Variants in SLC6A20 observed in about 807,000 individuals in gnomAD.
SLC6A20 encodes the protein solute carrier family 6 member 20, also known as sodium- and chloride-dependent transporter XTRP3.
SLC6A20 carries 73 observed loss-of-function variants against 64.3 expected under a neutral mutation model. The observed-to-expected ratio is 1.14, with a 90% CI of 0.94 to 1.38. The LOEUF is 1.38. Among genes scored for constraint, SLC6A20 ranks in the 40% most tolerant of loss-of-function variants. The probability of loss-of-function intolerance (pLI) is 0.00; values close to 1 mark genes in which losing one functional copy is unlikely to be tolerated. For missense variants in SLC6A20, 725 were observed against 772.8 expected (o/e 0.94, Z 0.73); for synonymous variants, 347 against 329.6 (o/e 1.05, Z -0.57).
In SLC6A20 at chr3:45,796,384, T is replaced by C. The variant is rs1175149099; in HGVS notation, c.36A>G (p.Leu12=). 5.0e-6 allele frequency: 8 copies of C among 1,612,180 alleles called. No individual in the cohort carries two copies. The African/African-American group carries it at 9.4e-5, about 19-fold the overall frequency. The part of the protein sequence containing the change: ...EKARPLWANS[L]QFVFACISYA... Reference sequence around the variant, plus strand: ...ACGAGATGCAGGCGAACACGAACTGTAGCGAGTTGGCCCACAGCGGCCGCG... The same window carrying C: ...ACGAGATGCAGGCGAACACGAACTGCAGCGAGTTGGCCCACAGCGGCCGCG... Residue 12 remains leucine (L), a synonymous_variant, in exon 1 of 11, where the codon CTA becomes CTG. Transcript: ENST00000358525.
intron 1 of SLC6A20, among the ~76,000 whole-genome samples, chr3:45,785,286 A>G (rs1410556902): frequency 6.6e-6 from 1 of 152,218 alleles, no homozygotes; most frequent in African/African-American, 2.4e-5. Flanking sequence ...CAAAGTATTG[A>G]TCCTGGGTGT....
intron 8 of SLC6A20, among the ~76,000 whole-genome samples, chr3:45,764,521 G>A (rs1272138748): frequency 2.6e-5 from 4 of 152,024 alleles, no homozygotes; most frequent in East Asian, 1.9e-4. Flanking sequence ...TGGCCAACAC[G>A]GGGAAACCCC....
At chr3:45,772,731 C>G (rs1176314859) in intron 4 of SLC6A20, 116 bp from the exon 5 acceptor site, 5 of 811,214 alleles carry the variant, frequency 6.2e-6, no homozygotes, top group African/African-American at 3.5e-5. Flanking sequence ...CAGCTGCTGA[C>G]AGCTGGAAAA....
chr3:45,785,974 C>T (rs547753753), intron 1 of SLC6A20, among the ~76,000 whole-genome samples: 22 of 152,192 alleles, frequency 1.4e-4, no homozygotes, highest in African/African-American at 5.1e-4. Context: ...GGAGGAGAAC[C>T]GAGGGAGACC....
chr3:45,760,121 T>C (rs1699643934), intron 9 of SLC6A20, 99 bp from the exon 10 acceptor site: 1 of 1,366,648 alleles, frequency 7.3e-7, no homozygotes, highest in Non-Finnish European at 1.0e-6. Context: ...CATTCTGTTC[T>C]AGGTGGTAAA....
At chr3:45,780,123 G>C in intron 2 of SLC6A20, 23 bp from the exon 3 acceptor site, 1 of 1,563,632 alleles carries the variant, frequency 6.4e-7, no homozygotes, top group Non-Finnish European at 8.7e-7. Flanking sequence ...AGAGGGCCGC[G>C]CTGAGGACTG....
chr3:45,763,056 G>A lies in SLC6A20; in HGVS notation c.1320C>T (p.Val440=). The change falls in exon 9 of 11, where the codon GTC becomes GTT. Residue 440 remains valine, a synonymous_variant. Transcript: ENST00000358525. ...TGAACACCATGCCAATGGCACAGTTGACAAGGCACACCAGACCTGGGGGCC... is the reference window on the plus strand; with the variant it reads ...TGAACACCATGCCAATGGCACAGTTAACAAGGCACACCAGACCTGGGGGCC... ...KEAISGLVCL[V]NCAIGMVFTM... 1 of 1,614,104 alleles carries A rather than the reference G, an allele frequency of 6.2e-7. No homozygotes were observed. The highest frequency in any genetic ancestry group is 1.3e-5 in the African/African-American group (1 of 75,044).
At chr3:45,778,190 T>G (rs543976166) in intron 3 of SLC6A20, among the ~76,000 whole-genome samples, 78 of 152,056 alleles carry the variant, frequency 5.1e-4, no homozygotes, top group African/African-American at 1.8e-3. Context: ...AGGGAGTGAG[T>G]AGACAGGAGC....
At position 45,758,457 on chromosome 3, in the gene SLC6A20, A is replaced by G. The variant is rs1304287826; in HGVS notation, c.*521T>C. 1.6e-5 allele frequency: 20 copies of G among 1,261,078 alleles called. No homozygotes were observed. Among genetic ancestry groups the G allele is most frequent in the Non-Finnish European group, 2.0e-5 (20 of 977,728 alleles). The allele number at this position is 1,261,078 out of a possible 1,614,324, so 78.1% of individuals were successfully genotyped here. ...TTTCTTTATAACTTGTCATCCTAAGATTTAAAGGGTGGAAGGGGAACACAG... is the reference window on the plus strand; with the variant it reads ...TTTCTTTATAACTTGTCATCCTAAGGTTTAAAGGGTGGAAGGGGAACACAG... On this transcript the variant is annotated 3_prime_UTR_variant, in exon 11 of 11. Coordinates refer to ENST00000358525, the MANE Select transcript of SLC6A20 (RefSeq NM_020208.4).
intron 4 of SLC6A20, among the ~76,000 whole-genome samples, chr3:45,774,817 C>T (rs1330830387): frequency 6.6e-6 from 1 of 152,182 alleles, no homozygotes; most frequent in Non-Finnish European, 1.5e-5. Context: ...CAAACCAAGA[C>T]AATGGGAAGT....
At chr3:45,791,940 C>T (rs1351713221) in intron 1 of SLC6A20, among the ~76,000 whole-genome samples, 4 of 152,072 alleles carry the variant, frequency 2.6e-5, no homozygotes, top group East Asian at 1.9e-4. Context: ...GGATTTAGCC[C>T]GGGGATCAAA....
chr3:45,774,327 A>C (rs1011426030), intron 4 of SLC6A20, among the ~76,000 whole-genome samples: 2 of 152,268 alleles, frequency 1.3e-5, no homozygotes, highest in Non-Finnish European at 2.9e-5. Context: ...AATGGTCTCT[A>C]ATCTCTACCT....
At chr3:45,760,111 C>G in intron 9 of SLC6A20, 89 bp from the exon 10 acceptor site, 2 of 1,426,288 alleles carry the variant, frequency 1.4e-6, no homozygotes, top group Non-Finnish European at 1.9e-6. Flanking sequence ...CACAAAGGAA[C>G]ATTCTGTTCT....
chr3:45,782,242 G>A lies in SLC6A20; in HGVS notation c.122-19C>T. On this transcript the variant is annotated intron_variant, in intron 1 of 10. Coordinates refer to ENST00000358525, the MANE Select transcript of SLC6A20 (RefSeq NM_020208.4). ...AAACTACCTGTGGATGTCCAGAGCT[G>A]AGAGCCAGGCCACCACCAAAAGGCT... 6.2e-7 allele frequency: 1 copy of A among 1,602,864 alleles called. No homozygotes were observed. Among genetic ancestry groups the A allele is most frequent in the South Asian group, 1.1e-5 (1 of 89,796 alleles).
At chr3:45,788,540 A>C (rs547494007) in intron 1 of SLC6A20, among the ~76,000 whole-genome samples, 2 of 152,334 alleles carry the variant, frequency 1.3e-5, no homozygotes, top group Admixed American at 6.5e-5. Context: ...AAAACATTTA[A>C]TACTTAGACA....
intron 3 of SLC6A20, 66 bp downstream of exon 3, chr3:45,779,943 G>T: frequency 6.6e-7 from 1 of 1,510,920 alleles, no homozygotes; most frequent in Non-Finnish European, 9.0e-7. Context: ...TCCCCGAGCG[G>T]GTGGCCCTGT....
At chr3:45,772,655 T>G in intron 4 of SLC6A20, 40 bp from the exon 5 acceptor site, 2 of 1,543,550 alleles carry the variant, frequency 1.3e-6, no homozygotes, top group Non-Finnish European at 1.8e-6. Context: ...CCCGGAGCAG[T>G]GGGGTCCACA....
intron 1 of SLC6A20, among the ~76,000 whole-genome samples, chr3:45,795,402 A>G (rs1377491456): frequency 6.6e-6 from 1 of 152,198 alleles, no homozygotes; most frequent in Non-Finnish European, 1.5e-5. Context: ...TAATTTACTG[A>G]ACCAATCCCC....
chr3:45,787,294 A>T (rs1364309022), intron 1 of SLC6A20, among the ~76,000 whole-genome samples: 1 of 152,094 alleles, frequency 6.6e-6, no homozygotes, highest in Admixed American at 6.5e-5. Flanking sequence ...CCTCCTGCCC[A>T]GGATGCTTTC....
Sources: allele counts gnomAD v4.1 joint callset (sites outside exome capture counted in the v4.1 genomes callset), GRCh38; gene constraint gnomAD v4.1.1; transcripts MANE v1.5; gene names NCBI Gene and HGNC (gene_info 2026-07-23, HGNC 2026-07-21).